Variants in MEMO1 observed in about 807,000 individuals in gnomAD.
MEMO1 encodes mediator of cell motility 1.
MEMO1 carries 6 observed loss-of-function variants against 45.2 expected under a neutral mutation model. That is an observed-to-expected ratio of 0.13 (90% confidence interval 0.07 to 0.26). The LOEUF (loss-of-function observed/expected upper bound fraction) is 0.26. Ranked by LOEUF, MEMO1 falls within the 10% of genes least tolerant of loss-of-function variation. The pLI, the probability that MEMO1 is intolerant of heterozygous loss-of-function variation, is 1.00. For missense variants in MEMO1, 184 were observed against 370.5 expected (o/e 0.50, Z 4.13); for synonymous variants, 78 against 124.3 (o/e 0.63, Z 2.48).
chr2:31,884,110 T>C (rs543061464), intron 7 of MEMO1, among the ~76,000 whole-genome samples: 2 of 152,088 alleles, frequency 1.3e-5, no homozygotes, highest in Non-Finnish European at 2.9e-5. Context: ...AATAAGATTA[T>C]AAGCATAGAA....
chr2:31,918,461 C>T (rs981739916), intron 5 of MEMO1, among the ~76,000 whole-genome samples: 5 of 152,126 alleles, frequency 3.3e-5, no homozygotes, highest in African/African-American at 1.2e-4. Context: ...GGAAAAACCA[C>T]TAGTCTATTT....
At chr2:31,924,649 G>C (rs1682821524) in intron 4 of MEMO1, among the ~76,000 whole-genome samples, 1 of 152,086 alleles carries the variant, frequency 6.6e-6, no homozygotes, top group Non-Finnish European at 1.5e-5. Flanking sequence ...CCAAATAATG[G>C]AACATAAGTA....
chr2:31,970,262 G>T (rs1258655808), intron 2 of MEMO1, among the ~76,000 whole-genome samples: 5 of 152,090 alleles, frequency 3.3e-5, no homozygotes, highest in Non-Finnish European at 7.3e-5. Flanking sequence ...GAGCCACCGC[G>T]CCTGGCCTCT....
At chr2:31,938,996 G>A (rs1042103099) in intron 3 of MEMO1, among the ~76,000 whole-genome samples, 2 of 151,528 alleles carry the variant, frequency 1.3e-5, no homozygotes, top group Non-Finnish European at 2.9e-5. Context: ...TGTTGCACAG[G>A]CTAGTCTCAA....
At chr2:31,997,123 C>CA (rs1396640371) in intron 2 of MEMO1, among the ~76,000 whole-genome samples, 5 of 151,608 alleles carry the variant, frequency 3.3e-5, no homozygotes, top group African/African-American at 4.8e-5. Flanking sequence ...TCAGGGACCT[C>CA]AATGAAAAAA....
chr2:31,913,772 T>C lies in MEMO1; in HGVS notation c.437+4154A>G, dbSNP rs553435805. Among the ~76,000 whole-genome samples, 31 of 152,246 alleles carry C rather than the reference T, an allele frequency of 2.0e-4. No individual in the cohort carries two copies. The East Asian group carries it at 6.0e-3, about 29-fold the overall frequency. On this transcript the variant is annotated intron_variant, in intron 6 of 9. Coordinates refer to ENST00000404530, the MANE Select transcript of MEMO1 (RefSeq NM_001301833.4). ...ACCATGGAAGGGACACAGACTTATA[T>C]ACAAATAATCCGTCAACTATTTAAC...
intron 2 of MEMO1, among the ~76,000 whole-genome samples, chr2:31,945,524 G>T (rs565795023): frequency 6.6e-6 from 1 of 152,058 alleles, no homozygotes; most frequent in South Asian, 2.1e-4. Context: ...TGTACTCCCC[G>T]ACCCCCTTTT....
At chr2:31,955,569 G>C (rs1241007862) in intron 2 of MEMO1, among the ~76,000 whole-genome samples, 1 of 151,978 alleles carries the variant, frequency 6.6e-6, no homozygotes, top group African/African-American at 2.4e-5. Context: ...AAATTCATGA[G>C]AATGTTCTAG....
chr2:31,977,423 T>C (rs183132222), intron 2 of MEMO1, among the ~76,000 whole-genome samples: 6 of 152,322 alleles, frequency 3.9e-5, no homozygotes, highest in African/African-American at 1.4e-4. Context: ...TAAGTCACAA[T>C]GATGACCGCA....
chr2:31,892,030 C>A lies in MEMO1; in HGVS notation c.542G>T (p.Ser181Ile), dbSNP rs755146531. 1.2e-6 allele frequency: 2 copies of A among 1,612,076 alleles called. No homozygotes were observed. Among genetic ancestry groups the A allele is most frequent in the Admixed American group, 1.7e-5 (1 of 59,992 alleles). Reference sequence around the variant, plus strand: ...ATCAGAAGAAACCACAAAGAGATTACTAGGATCCGCTAGATATTTACTGAA... The same window carrying A: ...ATCAGAAGAAACCACAAAGAGATTAATAGGATCCGCTAGATATTTACTGAA... ...KLFSKYLADP[S>I]NLFVVSSDFC... Residue 181 changes from serine to isoleucine, a missense_variant, in exon 7 of 10, where the codon AGT becomes ATT. Around this residue, in one of 3 missense-constraint regions of MEMO1, gnomAD observed 97 missense variants for 209.3 expected, o/e 0.46. Transcript: ENST00000404530.
chr2:31,946,173 T>C (rs1371826807), intron 2 of MEMO1, among the ~76,000 whole-genome samples: 1 of 152,230 alleles, frequency 6.6e-6, no homozygotes, highest in African/African-American at 2.4e-5. Context: ...CACATTCCCC[T>C]ACGTCGTTCC....
intron 2 of MEMO1, among the ~76,000 whole-genome samples, chr2:31,966,385 T>C (rs1668614676): frequency 6.6e-6 from 1 of 152,206 alleles, no homozygotes; most frequent in African/African-American, 2.4e-5. Context: ...GACACCTTTC[T>C]TCTGAAAGAT....
At chr2:31,916,878 C>T (rs1247177410) in intron 6 of MEMO1, among the ~76,000 whole-genome samples, 4 of 151,834 alleles carry the variant, frequency 2.6e-5, no homozygotes, top group South Asian at 4.2e-4. Context: ...AAAAAGACTG[C>T]GATAATGAAC....
rs1209000819 is a variant in MEMO1, at chr2:31,868,485, G to A, written c.770C>T (p.Thr257Ile). ...ATTCATTCCATTCTTCTGGAGCTCT[G>A]TGATAGCCTAGAAAAAAGAAAAATT... ...HPIGVLLNAI[T>I]ELQKNGMNMS... Residue 257 changes from threonine to isoleucine, a missense_variant, in exon 10 of 10, where the codon ACA (threonine) becomes ATA (isoleucine). Thr to Ile is a moderately conservative substitution (Grantham distance 89, BLOSUM62 -1). This residue lies in a region of MEMO1 where 97 missense variants were observed against 209.3 expected (regional missense o/e 0.46). Transcript: ENST00000404530. 1 of 1,596,196 alleles carries A rather than the reference G, an allele frequency of 6.3e-7. No homozygotes were observed. Among genetic ancestry groups the A allele is most frequent in the Admixed American group, 1.8e-5 (1 of 56,952 alleles).
At chr2:31,943,217 AC>A in intron 3 of MEMO1, 84 bp downstream of exon 3, 1 of 997,696 alleles carries the variant, frequency 1.0e-6, no homozygotes, top group Non-Finnish European at 1.6e-6. Flanking sequence ...GTGAGCCGAG[AC>A]CATGCCACTG....
chr2:31,893,270 A>G, intron 6 of MEMO1: 2 of 1,078,130 alleles, frequency 1.9e-6, no homozygotes. Flanking sequence ...AACAGATCAT[A>G]CAGATCTCCA....
chr2:31,947,396 T>C (rs1209079457), intron 2 of MEMO1, among the ~76,000 whole-genome samples: 1 of 152,214 alleles, frequency 6.6e-6, no homozygotes, highest in Non-Finnish European at 1.5e-5. Flanking sequence ...CTTAATTATC[T>C]ATAAAGTGTC....
At chr2:31,928,432 A>T (rs1683435942) in intron 4 of MEMO1, among the ~76,000 whole-genome samples, 1 of 152,030 alleles carries the variant, frequency 6.6e-6, no homozygotes, top group Non-Finnish European at 1.5e-5. Context: ...TTGTAATCCC[A>T]GCTACTTGGG....
intron 8 of MEMO1, among the ~76,000 whole-genome samples, chr2:31,871,492 C>CAT (rs3835887): frequency 1.7e-4 from 20 of 115,432 alleles, no homozygotes; most frequent in South Asian, 2.8e-4. Flanking sequence ...ATCAATATTC[C>CAT]ATATATACAC....
Sources: allele counts gnomAD v4.1 joint callset (sites outside exome capture counted in the v4.1 genomes callset), GRCh38; gene constraint gnomAD v4.1.1; regional missense constraint gnomAD v4.1.1; transcripts MANE v1.5; gene names NCBI Gene and HGNC (gene_info 2026-07-23, HGNC 2026-07-21).